PTGIS: variants seen among roughly 807,000 people sequenced by gnomAD.
PTGIS encodes the protein prostaglandin I2 synthase.
In PTGIS, 45 loss-of-function variants were observed where a neutral mutation model predicts 50.3. The observed-to-expected ratio is 0.90, with a 90% confidence interval of 0.70 to 1.15. The LOEUF is 1.15. PTGIS is among the 50% of genes most tolerant of loss of function. The pLI, the probability that PTGIS is intolerant of heterozygous loss-of-function variation, is 0.00. For synonymous variants in PTGIS, 260 were observed against 267.7 expected, an observed-to-expected ratio of 0.97 and a Z score of 0.28; for missense variants, 668 against 661.3, an observed-to-expected ratio of 1.01 and a Z score of -0.11.
At chr20:49,563,906 G>C (rs1601208028) in intron 1 of PTGIS, among the ~76,000 whole-genome samples, 1 of 152,238 alleles carries the variant, frequency 6.6e-6, no homozygotes, top group African/African-American at 2.4e-5. Flanking sequence ...AGGAAGAGAT[G>C]CAGTAGCCTG....
At chr20:49,514,646 A>G (rs1247878847) in intron 6 of PTGIS, among the ~76,000 whole-genome samples, 1 of 152,228 alleles carries the variant, frequency 6.6e-6, no homozygotes, top group Non-Finnish European at 1.5e-5. Flanking sequence ...CCTAGGTCAC[A>G]CAGGTAATCT....
chr20:49,561,242 C>T (rs1451630765), intron 1 of PTGIS, among the ~76,000 whole-genome samples: 5 of 151,958 alleles, frequency 3.3e-5, no homozygotes, highest in Admixed American at 6.6e-5. Flanking sequence ...TGGGACAGCT[C>T]GTGGGCAGGA....
chr20:49,514,471 C>A, intron 6 of PTGIS, 76 bp from the exon 7 acceptor site: 2 of 1,547,446 alleles, frequency 1.3e-6, no homozygotes, highest in Non-Finnish European at 1.7e-6. Flanking sequence ...ACAGCTCGGG[C>A]CAAGACAGAG....
intron 7 of PTGIS, 31 bp downstream of exon 7, chr20:49,514,196 G>A (rs1160445870): frequency 3.1e-6 from 5 of 1,611,184 alleles, no homozygotes; most frequent in South Asian, 1.1e-5. Flanking sequence ...CGCAGTCTTA[G>A]GGGCTATCTT....
intron 8 of PTGIS, among the ~76,000 whole-genome samples, chr20:49,512,429 G>A (rs980195262): frequency 6.6e-6 from 1 of 151,824 alleles, no homozygotes; most frequent in African/African-American, 2.4e-5. Flanking sequence ...GAATGGATGG[G>A]CGGATGGATA....
chr20:49,514,238 G>A lies in PTGIS; in HGVS notation c.1013C>T (p.Thr338Ile). 6.2e-7 allele frequency: 1 copy of A among 1,613,896 alleles called. No homozygotes were observed. The highest frequency in any genetic ancestry group is 1.1e-5 in the South Asian group (1 of 91,074). The change falls in exon 7 of 10, where the codon ACA becomes ATA. Residue 338 changes from threonine (T) to isoleucine (I), a missense_variant. Transcript: ENST00000244043. ...TTLPQKVLDS[T>I]PVLDSVLSES... ...TCTGACGATCTCACCAAGCACAGGT[G>A]TGCTGTCTAGAACCTTCTGTGGGAG...
chr20:49,510,253 T>A (rs894989415), intron 9 of PTGIS, among the ~76,000 whole-genome samples: 3 of 152,150 alleles, frequency 2.0e-5, no homozygotes, highest in Admixed American at 1.3e-4. Flanking sequence ...TGTTCATAAT[T>A]GACTCCATTT....
At chr20:49,536,989 C>T (rs546060678) in intron 5 of PTGIS, among the ~76,000 whole-genome samples, 10 of 152,286 alleles carry the variant, frequency 6.6e-5, no homozygotes, top group Admixed American at 6.5e-4. Context: ...GAGAAAGGAA[C>T]TGGGGCAAGT....
At chr20:49,513,335 T>C (rs1981378787) in intron 7 of PTGIS, 74 bp from the exon 8 acceptor site, 6 of 1,513,362 alleles carry the variant, frequency 4.0e-6, no homozygotes, top group East Asian at 2.4e-5. Context: ...CCAGCTCTTA[T>C]TTTACAGAGG....
intron 4 of PTGIS, 97 bp downstream of exon 4, chr20:49,544,208 C>T (rs1982298901): frequency 2.0e-6 from 3 of 1,525,402 alleles, no homozygotes; most frequent in Middle Eastern, 2.0e-4. Context: ...GCTTCCCCCA[C>T]CCACAGAGTC....
chr20:49,546,865 T>C (rs1439787113), intron 3 of PTGIS, among the ~76,000 whole-genome samples: 1 of 152,218 alleles, frequency 6.6e-6, no homozygotes. Flanking sequence ...ATGACCAGGG[T>C]ACAATGGGTC....
chr20:49,512,148 G>A (rs764712678), intron 8 of PTGIS, among the ~76,000 whole-genome samples: 38 of 151,512 alleles, frequency 2.5e-4, no homozygotes, highest in Admixed American at 9.2e-4. Context: ...TGAAAGAGTA[G>A]CTTCATGGGT....
At position 49,505,109 on chromosome 20, in the gene PTGIS, C is replaced by T. The variant is rs1391049632; in HGVS notation, c.*2811G>A. ...CTGCACTCTAGCCTGGGCAGCAGAG[C>T]GAGACTCCATCTCAAAAAAAAAAAA... On this transcript the variant is annotated 3_prime_UTR_variant, in exon 10 of 10. Coordinates refer to ENST00000244043, the MANE Select transcript of PTGIS (RefSeq NM_000961.4). The T allele has an allele frequency of 1.7e-5, 2 of 119,382 alleles. No homozygotes were observed. The highest frequency in any genetic ancestry group is 2.3e-4 in the East Asian group (1 of 4,334). The allele number at this position is 119,382 out of a possible 1,614,324, so 7.4% of individuals were successfully genotyped here. A position where few individuals can be genotyped will look rare whatever the true frequency, so the allele number is the denominator to read the frequency against.
chr20:49,539,032 G>C (rs1230161987), intron 5 of PTGIS, among the ~76,000 whole-genome samples: 2 of 151,866 alleles, frequency 1.3e-5, no homozygotes, highest in African/African-American at 4.8e-5. Flanking sequence ...TTATACCTCA[G>C]TAAAAAACAA....
intron 1 of PTGIS, 93 bp downstream of exon 1, chr20:49,567,950 C>T (rs192764505): frequency 3.2e-6 from 4 of 1,239,488 alleles, no homozygotes; most frequent in Non-Finnish European, 4.2e-6. Flanking sequence ...GGACTCGGGC[C>T]GGGCCGGCCG....
intron 5 of PTGIS, among the ~76,000 whole-genome samples, chr20:49,529,392 C>A (rs13038232): frequency 6.6e-6 from 1 of 152,108 alleles, no homozygotes; most frequent in African/African-American, 2.4e-5. Context: ...ATTTCACTTA[C>A]AATATTGTCT....
intron 5 of PTGIS, among the ~76,000 whole-genome samples, chr20:49,536,969 G>A (rs1982092540): frequency 6.6e-6 from 1 of 152,118 alleles, no homozygotes; most frequent in African/African-American, 2.4e-5. Flanking sequence ...TCCCCTCCAC[G>A]GTCCCTCCAG....
At chr20:49,510,971 C>G in intron 9 of PTGIS, 57 bp downstream of exon 9, 2 of 1,556,986 alleles carry the variant, frequency 1.3e-6, no homozygotes, top group Non-Finnish European at 1.8e-6. Context: ...GAGAGAAGGG[C>G]GCCTGCCAAC....
At chr20:49,508,465 G>A (rs919905218) in intron 9 of PTGIS, among the ~76,000 whole-genome samples, 1 of 152,220 alleles carries the variant, frequency 6.6e-6, no homozygotes, top group African/African-American at 2.4e-5. Context: ...CAATCCCACA[G>A]CTGATACCGT....
Sources: gnomAD v4.1 joint callset for allele counts (sites outside exome capture counted in the v4.1 genomes callset) on GRCh38, gnomAD v4.1.1 for gene constraint, MANE v1.5 for transcripts, NCBI Gene and HGNC (gene_info 2026-07-23, HGNC 2026-07-21) for gene names.